The following SERINC5 variants were observed in gnomAD, a reference collection of about 807,000 sequenced individuals.
SERINC5 encodes chromosome 5 open reading frame 12.
SERINC5 carries 41 observed loss-of-function variants against 63.1 expected under a neutral mutation model. That is an observed-to-expected ratio of 0.65 (90% confidence interval 0.51 to 0.84). The LOEUF (loss-of-function observed/expected upper bound fraction) is 0.84, where lower values mean the gene tolerates loss of function less well. Ranked by LOEUF, SERINC5 falls within the 40% of genes least tolerant of loss-of-function variation. SERINC5 has a pLI of 0.00. For missense variants in SERINC5, 523 were observed against 573.0 expected (o/e 0.91, Z 0.89); for synonymous variants, 222 against 215.2 (o/e 1.03, Z -0.28).
chr5:80,175,882 AAAAG>A (rs1422641922), intron 4 of SERINC5, among the ~76,000 whole-genome samples: 1,934 of 144,616 alleles, frequency 0.013, 97 homozygotes, highest in African/African-American at 0.05. Context: ...AAAAAAAAAA[AAAAG>A]GACTGAGCTT....
At chr5:80,134,303 T>C (rs557417089), downstream of SERINC5, among the ~76,000 whole-genome samples, 32 of 152,144 alleles carry the variant, frequency 2.1e-4, no homozygotes, top group Non-Finnish European at 3.8e-4. Context: ...CTGGCCAACA[T>C]GGTGAAACCC....
At position 80,255,890 on chromosome 5, in the gene SERINC5, G is replaced by A. The variant is rs1752657686; in HGVS notation, c.27+6C>T. On this transcript the variant is annotated splice_donor_region_variant and intron_variant, in intron 1 of 11. Coordinates refer to ENST00000507668, the MANE Select transcript of SERINC5 (RefSeq NM_001174072.3). ...CAACCCCCGCGCTGCGCCCGGCCTC[G>A]CTCACCTGGCCCGCACAGCACTGAG... The A allele has an allele frequency of 3.1e-6, 5 of 1,589,036 alleles. No homozygotes were observed. The highest frequency in any genetic ancestry group is 1.7e-5 in the Admixed American group (1 of 58,614).
chr5:80,141,170 C>T lies in SERINC5; in HGVS notation c.*2493G>A. ...ATACATCCACATCTGTTTTGTTCAT[C>T]CAGATACACGTGCTAACATTTTCAG... is the stretch of plus-strand genomic sequence containing the variant. On this transcript the variant is annotated 3_prime_UTR_variant, in exon 12 of 12. Transcript: ENST00000507668. The T allele has an allele frequency of 1.0e-6, 1 of 985,376 alleles. No homozygotes were observed. Among genetic ancestry groups the T allele is most frequent in the Non-Finnish European group, 1.2e-6 (1 of 829,894 alleles). 61.0% of individuals were successfully genotyped at this position (985,376 alleles called of 1,614,324 possible).
chr5:80,121,705 C>A lies in SERINC5; in HGVS notation c.1239-8080G>T, dbSNP rs1212769924. Among the ~76,000 whole-genome samples, 6 of 152,130 alleles carry A rather than the reference C, an allele frequency of 3.9e-5. No individual in the cohort carries two copies. In the East Asian group the frequency reaches 9.6e-4, roughly 24 times the overall value. ...TTGCCTTATGGTTCTGCAGGCTGTA[C>A]AACCATGGCACCAGCATCTGCTTCT... On this transcript the variant is annotated intron_variant, in intron 11 of 12. Coordinates refer to the SERINC5 transcript ENST00000509193.
chr5:80,147,153 A>T (rs1237575700), intron 10 of SERINC5, 92 bp downstream of exon 10: 2 of 1,170,320 alleles, frequency 1.7e-6, no homozygotes. Context: ...TTACTATTCA[A>T]GTTATTTGTG....
intron 11 of SERINC5, among the ~76,000 whole-genome samples, chr5:80,127,930 TAAA>T (rs1222606423): frequency 2.0e-5 from 3 of 152,064 alleles, no homozygotes; most frequent in Non-Finnish European, 4.4e-5. Context: ...ATACTGAACT[TAAA>T]AAGTTTAACC....
At chr5:80,136,773 A>T (rs970521471), downstream of SERINC5, among the ~76,000 whole-genome samples, 1 of 152,232 alleles carries the variant, frequency 6.6e-6, no homozygotes, top group Non-Finnish European at 1.5e-5. Context: ...ACCCACTTAA[A>T]AAGTTGACAA....
intron 2 of SERINC5, among the ~76,000 whole-genome samples, chr5:80,199,967 C>T (rs991200036): frequency 5.3e-5 from 8 of 152,124 alleles, no homozygotes; most frequent in African/African-American, 9.7e-5. Context: ...ATTAAGTGGA[C>T]GCTCAGAATA....
intron 1 of SERINC5, among the ~76,000 whole-genome samples, chr5:80,241,972 A>T (rs1424370871): frequency 6.9e-6 from 1 of 144,204 alleles, no homozygotes; most frequent in Non-Finnish European, 1.5e-5. Context: ...AAAGAGAATT[A>T]AAAAAAAAAA....
At chr5:80,158,508 A>G (rs1350267080) in intron 8 of SERINC5, 3 of 252,158 alleles carry the variant, frequency 1.2e-5, no homozygotes, top group East Asian at 9.0e-5. Context: ...AAGGTATAGC[A>G]AACTACTATT....
intron 8 of SERINC5, among the ~76,000 whole-genome samples, chr5:80,154,233 G>A (rs1462940982): frequency 2.6e-5 from 4 of 151,838 alleles, no homozygotes; most frequent in African/African-American, 9.7e-5. Flanking sequence ...AGGCTGTAGT[G>A]CAATGGCTCG....
intron 2 of SERINC5, among the ~76,000 whole-genome samples, chr5:80,197,484 G>A (rs1749586297): frequency 6.6e-6 from 1 of 152,080 alleles, no homozygotes; most frequent in Admixed American, 6.5e-5. Context: ...AGCTTGAGGG[G>A]AAGATGGGGA....
chr5:80,118,508 C>T (rs888234523), intron 11 of SERINC5, among the ~76,000 whole-genome samples: 1 of 151,972 alleles, frequency 6.6e-6, no homozygotes. Flanking sequence ...CGGAAGGGGC[C>T]AGGGATCTCT....
chr5:80,174,713 G>A (rs1049247214), intron 5 of SERINC5, among the ~76,000 whole-genome samples: 8 of 152,128 alleles, frequency 5.3e-5, no homozygotes, highest in African/African-American at 1.9e-4. Context: ...ACCCGTACGA[G>A]CAGGGGATTG....
At chr5:80,133,047 C>T (rs1321303083) in intron 11 of SERINC5, among the ~76,000 whole-genome samples, 2 of 152,118 alleles carry the variant, frequency 1.3e-5, no homozygotes, top group Admixed American at 6.5e-5. Context: ...TGGCTTGGTG[C>T]TGTCTTCGCA....
Position 80,142,628 on chromosome 5 carries a change from T to C in SERINC5, c.*1035A>G, listed in dbSNP as rs1358269952. The C allele has an allele frequency of 8.1e-6, 8 of 985,298 alleles. No homozygotes were observed. The South Asian group carries it at 2.8e-4, about 35-fold the overall frequency. 61.0% of individuals were successfully genotyped at this position (985,298 alleles called of 1,614,324 possible). On this transcript the variant is annotated 3_prime_UTR_variant, in exon 12 of 12. Transcript: ENST00000507668. ...AGGATGCCAGCATGAACCTGAACGGTATGGTCACGTTACAGATCCAGAACA... is the reference window on the plus strand; with the variant it reads ...AGGATGCCAGCATGAACCTGAACGGCATGGTCACGTTACAGATCCAGAACA...
intron 2 of SERINC5, among the ~76,000 whole-genome samples, chr5:80,202,365 C>T (rs1749892124): frequency 1.3e-5 from 2 of 152,222 alleles, no homozygotes; most frequent in African/African-American, 2.4e-5. Flanking sequence ...AATACACAAT[C>T]GTCTGACATA....
At chr5:80,111,478 G>A (rs1744106205), downstream of SERINC5, among the ~76,000 whole-genome samples, 1 of 152,190 alleles carries the variant, frequency 6.6e-6, no homozygotes, top group Non-Finnish European at 1.5e-5. Flanking sequence ...TGGGCTTTGG[G>A]TGCTATCAAC....
intron 1 of SERINC5, among the ~76,000 whole-genome samples, chr5:80,221,053 A>G: frequency 6.6e-6 from 1 of 152,134 alleles, no homozygotes; most frequent in Non-Finnish European, 1.5e-5. Context: ...TCACTGCAAG[A>G]GCAGAGAGCA....
Sources: gnomAD v4.1 joint callset for allele counts (sites outside exome capture counted in the v4.1 genomes callset) on GRCh38, gnomAD v4.1.1 for gene constraint, MANE v1.5 for transcripts, NCBI Gene and HGNC (gene_info 2026-07-23, HGNC 2026-07-21) for gene names.